The following DIP2C variants were observed in gnomAD, a reference collection of about 807,000 sequenced individuals.
The protein encoded by DIP2C is DIP2 acetate--CoA ligase C (putative).
Under a neutral mutation model 192.4 loss-of-function variants are expected in DIP2C, and 33 were observed. The observed-to-expected ratio is 0.17, with a 90% CI of 0.13 to 0.23. The LOEUF (loss-of-function observed/expected upper bound fraction) is 0.23, where lower values mean the gene tolerates loss of function less well. DIP2C is among the 10% of genes least tolerant of loss of function. The pLI, the probability that DIP2C is intolerant of heterozygous loss-of-function variation, is 1.00. For synonymous variants in DIP2C, 979 were observed against 864.1 expected (o/e 1.13, Z -2.33); for missense variants, 1,537 against 2,110.1 (o/e 0.73, Z 5.32).
At chr10:309,525 A>C (rs1006048281) in intron 32 of DIP2C, among the ~76,000 whole-genome samples, 4 of 151,298 alleles carry the variant, frequency 2.6e-5, no homozygotes, top group African/African-American at 9.7e-5. Context: ...TACTCCTGCT[A>C]TCACACCTGC....
intron 15 of DIP2C, 105 bp from the exon 16 acceptor site, chr10:384,251 G>T: frequency 8.2e-7 from 1 of 1,216,512 alleles, no homozygotes; most frequent in Non-Finnish European, 1.1e-6. Context: ...AGAATCACTG[G>T]TCACCCAGCC....
intron 1 of DIP2C, among the ~76,000 whole-genome samples, chr10:489,608 C>A (rs1844286556): frequency 6.6e-6 from 1 of 152,110 alleles, no homozygotes; most frequent in Admixed American, 6.5e-5. Context: ...CACAGTGGCT[C>A]TGACAGAGCC....
intron 1 of DIP2C, among the ~76,000 whole-genome samples, chr10:491,973 T>G (rs1402225349): frequency 6.6e-6 from 1 of 150,948 alleles, no homozygotes; most frequent in Non-Finnish European, 1.5e-5. Flanking sequence ...CTAGGAGGAA[T>G]CTCAAAATCC....
chr10:602,704 T>C (rs1294655360), intron 1 of DIP2C, among the ~76,000 whole-genome samples: 1 of 152,226 alleles, frequency 6.6e-6, no homozygotes, highest in African/African-American at 2.4e-5. Context: ...ATTAGCCACT[T>C]TCTCAGTGGG....
At chr10:337,107 G>A (rs1329908468) in intron 29 of DIP2C, among the ~76,000 whole-genome samples, 1 of 126,924 alleles carries the variant, frequency 7.9e-6, no homozygotes, top group African/African-American at 3.0e-5. Flanking sequence ...GTGTGCGTGT[G>A]TGTGTTGTGG....
Position 440,855 on chromosome 10 carries a change from G to T in DIP2C, c.394+16C>A. Reference sequence around the variant, plus strand: ...CGGCACATTCAGGAGGCCGTGTCGGGGAGCGTGTCCCTTACCTGGAGGGGT... The same window carrying T: ...CGGCACATTCAGGAGGCCGTGTCGGTGAGCGTGTCCCTTACCTGGAGGGGT... On this transcript the variant is annotated intron_variant, in intron 4 of 36. Coordinates refer to ENST00000280886, the MANE Select transcript of DIP2C (RefSeq NM_014974.3). The T allele has an allele frequency of 6.2e-7, 1 of 1,607,444 alleles. No individual in the cohort carries two copies. The highest frequency in any genetic ancestry group is 1.3e-5 in the African/African-American group (1 of 75,006).
In DIP2C at chr10:363,346, G is replaced by A. The variant is rs751390376; in HGVS notation, c.2478-35C>T. 22 of 1,586,650 alleles carry A rather than the reference G, an allele frequency of 1.4e-5. No individual in the cohort carries two copies. Among genetic ancestry groups the A allele is most frequent in the East Asian group, 1.3e-4 (6 of 44,600 alleles). On this transcript the variant is annotated intron_variant, in intron 20 of 36. Coordinates refer to ENST00000280886, the MANE Select transcript of DIP2C (RefSeq NM_014974.3). The surrounding 1 kb of genome is among the most constrained non-coding windows in gnomAD (Gnocchi z 5.4). ...CACAGGAGCATGGTGAGCACGCGCC[G>A]GGGACGCTCATGCAGCCCTCCCTCC... is the stretch of plus-strand genomic sequence containing the variant.
At chr10:577,551 G>A (rs966400018) in intron 1 of DIP2C, among the ~76,000 whole-genome samples, 6 of 152,180 alleles carry the variant, frequency 3.9e-5, no homozygotes, top group African/African-American at 9.7e-5. Context: ...CACTCAGCAC[G>A]CAGTGAGAAC....
chr10:277,867 A>G (rs1954596459), intron 36 of DIP2C, among the ~76,000 whole-genome samples: 1 of 152,218 alleles, frequency 6.6e-6, no homozygotes, highest in African/African-American at 2.4e-5. Context: ...CCACCTGGCC[A>G]GCGGAGTCTG....
intron 1 of DIP2C, among the ~76,000 whole-genome samples, chr10:561,913 C>T (rs953054526): frequency 3.3e-5 from 5 of 152,248 alleles, no homozygotes; most frequent in South Asian, 2.1e-4. Flanking sequence ...CAGCTCTAGC[C>T]CCACCTTCGG....
chr10:549,622 G>A (rs535295426), intron 1 of DIP2C, among the ~76,000 whole-genome samples: 1 of 152,016 alleles, frequency 6.6e-6, no homozygotes, highest in Non-Finnish European at 1.5e-5. Context: ...GAGGGGAGGG[G>A]TGCCCCCGAC....
At chr10:486,674 C>G in intron 1 of DIP2C, 144 bp from the exon 2 acceptor site, 4 of 584,914 alleles carry the variant, frequency 6.8e-6, no homozygotes, top group Non-Finnish European at 1.1e-5. Context: ...GCACATCAAA[C>G]AACTTCAGTT....
Position 644,549 on chromosome 10 carries a change from GCC to G in DIP2C, c.85+44943_85+44944del, listed in dbSNP as rs532649940. ...TAGAGCCACACGGGTTCTGCCTGAC[GCC>G]CCCACTTCAGGGAGTCTGGGCAGGT... On this transcript the variant is annotated intron_variant, in intron 1 of 36. Coordinates refer to ENST00000280886, the MANE Select transcript of DIP2C (RefSeq NM_014974.3). 1.8e-3 allele frequency among the ~76,000 whole-genome samples: 268 copies of G among 152,384 alleles called. 2 individuals carry two copies. The highest frequency in any genetic ancestry group is 1.7e-3 in the Non-Finnish European group (115 of 68,042).
Position 640,261 on chromosome 10 carries a change from CG to C in DIP2C, c.85+49232del, listed in dbSNP as rs530063755. Among the ~76,000 whole-genome samples the C allele has an allele frequency of 6.2e-4, 94 of 152,400 alleles. No individual in the cohort carries two copies. In the South Asian group the frequency reaches 0.019, roughly 31 times the overall value. On this transcript the variant is annotated intron_variant, in intron 1 of 36. Transcript: ENST00000280886. ...CAGACAGGCACGGCCGCCCCGCCCA[CG>C]GCCACCAAGGGCTTTGCTTTGTCCC...
At position 548,911 on chromosome 10, in the gene DIP2C, C is replaced by CCAAAAAAAAA. The variant is rs1348217783; in HGVS notation, c.86-62382_86-62381insTTTTTTTTTG. ...CATTGCAGGAAAAAATAGCAGCTCA[C>CCAAAAAAAAA]AAAAAAAAAAAAAAAAAAAAAAAAA... is the stretch of plus-strand genomic sequence containing the variant. On this transcript the variant is annotated intron_variant, in intron 1 of 36. Transcript: ENST00000280886. Among the ~76,000 whole-genome samples, 25 of 26,446 alleles carry CCAAAAAAAAA rather than the reference C, an allele frequency of 9.5e-4. 1 individual carries two copies. The highest frequency in any genetic ancestry group is 3.4e-3 in the African/African-American group (25 of 7,412). 17.3% of individuals were successfully genotyped at this position (26,446 alleles called of 152,430 possible).
chr10:378,446 C>T (rs994858015), intron 17 of DIP2C, among the ~76,000 whole-genome samples: 14 of 152,120 alleles, frequency 9.2e-5, no homozygotes, highest in Non-Finnish European at 2.1e-4. Context: ...TGCATAAAGA[C>T]ACGTGAACAC....
intron 1 of DIP2C, among the ~76,000 whole-genome samples, chr10:620,219 C>A (rs1180504667): frequency 6.6e-6 from 1 of 152,148 alleles, no homozygotes; most frequent in Non-Finnish European, 1.5e-5. Flanking sequence ...TGGCTTTTTT[C>A]TGCCTATCTA....
Position 689,603 on chromosome 10 carries a change from C to A in DIP2C, c.-25G>T. The A allele has an allele frequency of 1.8e-6, 2 of 1,120,994 alleles. No homozygotes were observed. Among genetic ancestry groups the A allele is most frequent in the Non-Finnish European group, 2.2e-6 (2 of 915,234 alleles). 69.4% of individuals were successfully genotyped at this position (1,120,994 alleles called of 1,614,324 possible). A position where few individuals can be genotyped will look rare whatever the true frequency, so the allele number is the denominator to read the frequency against. ...TGCTCCGCGGGCGCCGCGCCCCGCA[C>A]GGCCTCCTCTTTGTTCGCAGGCGGA... On this transcript the variant is annotated 5_prime_UTR_variant, in exon 1 of 37. Coordinates refer to ENST00000280886, the MANE Select transcript of DIP2C (RefSeq NM_014974.3). The surrounding 1 kb of genome is among the most constrained non-coding windows in gnomAD (Gnocchi z 6.1).
chr10:670,141 CGT>C (rs1830538738), intron 1 of DIP2C, among the ~76,000 whole-genome samples: 1 of 152,062 alleles, frequency 6.6e-6, no homozygotes, highest in Non-Finnish European at 1.5e-5. Flanking sequence ...CACGCATACA[CGT>C]GTACACATAT....
Sources: gnomAD v4.1 joint callset for allele counts (sites outside exome capture counted in the v4.1 genomes callset) on GRCh38, gnomAD v4.1.1 for gene constraint, Gnocchi (gnomAD v3.1) non-coding constraint, MANE v1.5 for transcripts, NCBI Gene and HGNC (gene_info 2026-07-23, HGNC 2026-07-21) for gene names.